Variants in ATG7 observed in about 807,000 individuals in gnomAD.
The protein encoded by ATG7 is autophagy related 7, also known as ubiquitin-like modifier-activating enzyme ATG7.
Under a neutral mutation model 82.4 loss-of-function variants are expected in ATG7, and 70 were observed. The observed-to-expected ratio is 0.85, with a 90% CI of 0.70 to 1.04. The LOEUF (loss-of-function observed/expected upper bound fraction) is 1.04. Ranked by LOEUF, ATG7 falls within the 50% of genes least tolerant of loss-of-function variation. ATG7 has a pLI of 0.00. For missense variants in ATG7, 792 were observed against 864.3 expected (o/e 0.92, Z 1.05); for synonymous variants, 287 against 313.0 (o/e 0.92, Z 0.88).
intron 20 of ATG7, among the ~76,000 whole-genome samples, chr3:11,479,003 C>CAA (rs2088602828): frequency 7.6e-6 from 1 of 131,616 alleles, no homozygotes; most frequent in Non-Finnish European, 1.6e-5. Flanking sequence ...CACACACACA[C>CAA]ACACACACAC....
intron 9 of ATG7, among the ~76,000 whole-genome samples, chr3:11,329,274 A>T (rs1342734719): frequency 6.6e-6 from 1 of 152,192 alleles, no homozygotes; most frequent in Non-Finnish European, 1.5e-5. Flanking sequence ...AATATTGGTT[A>T]AGCTCCTACT....
chr3:11,435,475 T>C (rs897896172), intron 20 of ATG7, among the ~76,000 whole-genome samples: 1 of 152,178 alleles, frequency 6.6e-6, no homozygotes, highest in Admixed American at 6.5e-5. Context: ...CCTCTTACTT[T>C]AATAGCAGCA....
chr3:11,357,176 A>C (rs1336832703), intron 14 of ATG7, among the ~76,000 whole-genome samples: 1 of 152,210 alleles, frequency 6.6e-6, no homozygotes, highest in Non-Finnish European at 1.5e-5. Context: ...CCCTATGGCC[A>C]GTGATATACA....
chr3:11,550,405 T>C (rs1196495532), intron 20 of ATG7, among the ~76,000 whole-genome samples: 1 of 152,198 alleles, frequency 6.6e-6, no homozygotes, highest in African/African-American at 2.4e-5. Context: ...TCTTGAATTT[T>C]ATTTATTTCT....
chr3:11,334,125 G>A (rs1952044622), intron 11 of ATG7, among the ~76,000 whole-genome samples: 2 of 152,138 alleles, frequency 1.3e-5, no homozygotes, highest in African/African-American at 4.8e-5. Context: ...CATCATAGGT[G>A]CTTAATAAAT....
rs551133003 is a variant in ATG7 at position 11,521,121 on chromosome 3, G to T, written c.2080-33690G>T. On this transcript the variant is annotated intron_variant, in intron 20 of 20. Coordinates refer to ENST00000693202, the MANE Select transcript of ATG7 (RefSeq NM_001349232.2). ...TGTCTCGCAGCAATGCTGAGACATAGTTCCAACAGATGACAGATCATGAGA... is the reference window on the plus strand; with the variant it reads ...TGTCTCGCAGCAATGCTGAGACATATTTCCAACAGATGACAGATCATGAGA... Among the ~76,000 whole-genome samples, 270 of 152,288 alleles carry T rather than the reference G, an allele frequency of 1.8e-3. 2 individuals are homozygous for T. Among genetic ancestry groups the T allele is most frequent in the Non-Finnish European group, 2.8e-4 (19 of 68,034 alleles).
chr3:11,420,734 C>A (rs1207145298), intron 19 of ATG7, among the ~76,000 whole-genome samples: 1 of 151,356 alleles, frequency 6.6e-6, no homozygotes, highest in Non-Finnish European at 1.5e-5. Context: ...TACATGCATA[C>A]CTTAAGTAAT....
At chr3:11,480,630 G>T (rs1211897664) in intron 20 of ATG7, among the ~76,000 whole-genome samples, 2 of 152,212 alleles carry the variant, frequency 1.3e-5, no homozygotes, top group Non-Finnish European at 2.9e-5. Context: ...TTCACCTAAA[G>T]GGTATCTGGG....
chr3:11,479,929 A>G (rs576492466), intron 20 of ATG7, among the ~76,000 whole-genome samples: 3 of 140,860 alleles, frequency 2.1e-5, no homozygotes, highest in Non-Finnish European at 3.1e-5. Flanking sequence ...CCTGGAATCA[A>G]TTTTTTTTTT....
chr3:11,316,021 T>C (rs1325932978), intron 9 of ATG7, among the ~76,000 whole-genome samples: 1 of 152,182 alleles, frequency 6.6e-6, no homozygotes, highest in Non-Finnish European at 1.5e-5. Flanking sequence ...GCCCAGCCAA[T>C]ACCTTACTCT....
chr3:11,302,301 C>G (rs1946904407), intron 5 of ATG7, among the ~76,000 whole-genome samples: 1 of 152,186 alleles, frequency 6.6e-6, no homozygotes, highest in Non-Finnish European at 1.5e-5. Context: ...AAAAGTCTGT[C>G]ACTTTCTGAG....
chr3:11,286,375 G>A (rs1386845944), intron 3 of ATG7, among the ~76,000 whole-genome samples: 1 of 152,064 alleles, frequency 6.6e-6, no homozygotes, highest in Non-Finnish European at 1.5e-5. Flanking sequence ...AATAGGTTTA[G>A]GGACCTAAGT....
downstream of ATG7, among the ~76,000 whole-genome samples, chr3:11,560,044 ACTCT>A (rs1361666934): frequency 6.6e-6 from 1 of 150,808 alleles, no homozygotes; most frequent in Admixed American, 6.6e-5. Context: ...GCACAGCCTC[ACTCT>A]CTCCTTCACC....
chr3:11,560,702 C>G (rs1326930616), downstream of ATG7, among the ~76,000 whole-genome samples: 1 of 152,162 alleles, frequency 6.6e-6, no homozygotes, highest in Non-Finnish European at 1.5e-5. Context: ...GGGGATGTGG[C>G]TTAGCAACAG....
In ATG7 at chr3:11,557,167, G is replaced by A. The variant is rs559590203; in HGVS notation, c.*2324G>A. The A allele has an allele frequency of 2.0e-5, 3 of 152,856 alleles. No homozygotes were observed. In the East Asian group the frequency reaches 5.7e-4, roughly 29 times the overall value. The allele number at this position is 152,856 out of a possible 1,614,324, so 9.5% of individuals were successfully genotyped here. A position where few individuals can be genotyped will look rare whatever the true frequency, so the allele number is the denominator to read the frequency against. ...AACGCTCATTGACCAAAAAGGAGCA[G>A]CTGTGACCTCCACAGCTGTGTCTGT... On this transcript the variant is annotated 3_prime_UTR_variant, in exon 21 of 21. Transcript: ENST00000693202.
chr3:11,527,100 T>G (rs1411367954), intron 20 of ATG7, among the ~76,000 whole-genome samples: 1 of 146,820 alleles, frequency 6.8e-6, no homozygotes, highest in African/African-American at 2.5e-5. Context: ...TATACATACA[T>G]ATACATATAC....
At chr3:11,518,583 A>G (rs2124893469) in intron 20 of ATG7, among the ~76,000 whole-genome samples, 1 of 151,966 alleles carries the variant, frequency 6.6e-6, no homozygotes, top group East Asian at 1.9e-4. Context: ...AGACAAAACA[A>G]TCTTAGTGCA....
chr3:11,404,476 G>A (rs979251327), intron 19 of ATG7, among the ~76,000 whole-genome samples: 2 of 151,606 alleles, frequency 1.3e-5, no homozygotes, highest in Non-Finnish European at 2.9e-5. Context: ...GCTCAGCCAA[G>A]CCATTAATAC....
intron 20 of ATG7, among the ~76,000 whole-genome samples, chr3:11,546,320 T>C (rs990571295): frequency 6.6e-6 from 1 of 151,986 alleles, no homozygotes; most frequent in Admixed American, 6.6e-5. Flanking sequence ...TACAAGCACA[T>C]GCCACCATGC....
Sources: allele counts gnomAD v4.1 joint callset (sites outside exome capture counted in the v4.1 genomes callset), GRCh38; gene constraint gnomAD v4.1.1; transcripts MANE v1.5; gene names NCBI Gene and HGNC (gene_info 2026-07-23, HGNC 2026-07-21).